The following CADM2 variants were observed in gnomAD, a reference collection of about 807,000 sequenced individuals.
CADM2 encodes immunoglobulin superfamily member 4D.
Under a neutral mutation model 49.8 loss-of-function variants are expected in CADM2, and 12 were observed. That is an observed-to-expected ratio of 0.24 (90% confidence interval 0.15 to 0.39). CADM2 has a LOEUF of 0.39. CADM2 is among the 10% of genes least tolerant of loss of function. The pLI, the probability that CADM2 is intolerant of heterozygous loss-of-function variation, is 1.00. For missense variants in CADM2, 378 were observed against 492.3 expected, an observed-to-expected ratio of 0.77 and a Z score of 2.20; for synonymous variants, 214 against 175.4, an observed-to-expected ratio of 1.22 and a Z score of -1.74.
At chr3:84,998,762 GCAGGTAGC>G (rs2033305703) in intron 1 of CADM2, among the ~76,000 whole-genome samples, 1 of 152,056 alleles carries the variant, frequency 6.6e-6, no homozygotes, top group Non-Finnish European at 1.5e-5. Context: ...GTGATCAGGG[GCAGGTAGC>G]CAGAGGCTCA....
chr3:84,972,767 G>A (rs1342418435), intron 1 of CADM2, among the ~76,000 whole-genome samples: 1 of 152,106 alleles, frequency 6.6e-6, no homozygotes, highest in East Asian at 1.9e-4. Context: ...CTATTTGAAG[G>A]CAGTGTTGTA....
At chr3:85,948,529 TTTAA>T (rs1723016047) in intron 7 of CADM2, among the ~76,000 whole-genome samples, 1 of 151,360 alleles carries the variant, frequency 6.6e-6, no homozygotes, top group Admixed American at 6.6e-5. Context: ...GTGCTATTAT[TTTAA>T]TTAATAATGA....
At chr3:85,994,698 C>A (rs1325959299) in intron 8 of CADM2, 3 of 152,124 alleles carry the variant, frequency 2.0e-5, no homozygotes, top group African/African-American at 7.2e-5. Flanking sequence ...ATGTCAATGT[C>A]TCAGGAACTA....
chr3:84,983,488 C>T (rs577988220), intron 1 of CADM2, among the ~76,000 whole-genome samples: 1 of 151,856 alleles, frequency 6.6e-6, no homozygotes, highest in Non-Finnish European at 1.5e-5. Context: ...ACCACAGATA[C>T]CTTTTAAGAG....
chr3:85,939,585 T>G (rs1211846620), intron 7 of CADM2, among the ~76,000 whole-genome samples: 5 of 151,774 alleles, frequency 3.3e-5, no homozygotes, highest in Admixed American at 1.3e-4. Context: ...TAATGAGTCA[T>G]CATTCATTTT....
intron 6 of CADM2, among the ~76,000 whole-genome samples, chr3:85,935,268 T>C (rs981037125): frequency 3.9e-5 from 6 of 152,150 alleles, no homozygotes; most frequent in African/African-American, 1.4e-4. Flanking sequence ...TGCCCAGTGC[T>C]GCATCATTGC....
intron 1 of CADM2, among the ~76,000 whole-genome samples, chr3:85,518,019 G>A (rs539345980): frequency 6.6e-6 from 1 of 151,768 alleles, no homozygotes; most frequent in African/African-American, 2.4e-5. Context: ...TTCTTTTTTT[G>A]TGTGTGTGAC....
chr3:85,802,302 C>T, intron 3 of CADM2, 106 bp downstream of exon 3: 1 of 943,760 alleles, frequency 1.1e-6, no homozygotes, highest in South Asian at 2.3e-5. Context: ...GATTACCAAA[C>T]TGCTGCTGCT....
intron 2 of CADM2, among the ~76,000 whole-genome samples, chr3:85,759,681 G>A (rs2069283096): frequency 6.6e-6 from 1 of 152,056 alleles, no homozygotes; most frequent in Admixed American, 6.5e-5. Context: ...GCTACATCTA[G>A]CTGCAAGAGA....
intron 1 of CADM2, among the ~76,000 whole-genome samples, chr3:85,331,535 T>C (rs1241056710): frequency 6.6e-6 from 1 of 151,476 alleles, no homozygotes; most frequent in Admixed American, 6.6e-5. Flanking sequence ...ATAGTCACTT[T>C]TAGATTGGCC....
chr3:86,040,025 G>C (rs1383270500), intron 8 of CADM2, among the ~76,000 whole-genome samples: 1 of 152,192 alleles, frequency 6.6e-6, no homozygotes, highest in African/African-American at 2.4e-5. Context: ...TGAGGGTCCT[G>C]ACTGTTAGAA....
chr3:85,054,983 G>C (rs527358191), intron 1 of CADM2, among the ~76,000 whole-genome samples: 3 of 151,960 alleles, frequency 2.0e-5, no homozygotes, highest in Non-Finnish European at 4.4e-5. Flanking sequence ...CTTATAAATA[G>C]AAGTTTAATA....
At chr3:85,505,478 A>C (rs2040308175) in intron 1 of CADM2, among the ~76,000 whole-genome samples, 1 of 152,150 alleles carries the variant, frequency 6.6e-6, no homozygotes, top group South Asian at 2.1e-4. Flanking sequence ...TCTGCTGTTC[A>C]TCAGAACCAC....
rs397962829 is a variant in CADM2, at chr3:85,365,199, C to CTTTTTT, written c.62-361313_62-361308dup. On this transcript the variant is annotated intron_variant, in intron 1 of 9. Transcript: ENST00000383699. ...TTGGGAGGGTTTTTTTTTTTTTTTA[C>CTTTTTT]TTTTTTTTTTTTTTTAGATAATTCC... Among the ~76,000 whole-genome samples, 31 of 104,666 alleles carry CTTTTTT rather than the reference C, an allele frequency of 3.0e-4. 1 individual carries two copies. Among genetic ancestry groups the CTTTTTT allele is most frequent in the East Asian group, 1.2e-3 (4 of 3,334 alleles). 68.7% of individuals were successfully genotyped at this position (104,666 alleles called of 152,430 possible).
intron 1 of CADM2, among the ~76,000 whole-genome samples, chr3:85,485,533 C>T (rs573219534): frequency 4.6e-5 from 7 of 152,060 alleles, no homozygotes; most frequent in Admixed American, 1.3e-4. Context: ...ATCCTGCATG[C>T]GCAGTCTGCC....
At chr3:85,952,569 T>C (rs1723567377) in intron 7 of CADM2, among the ~76,000 whole-genome samples, 1 of 151,018 alleles carries the variant, frequency 6.6e-6, no homozygotes, top group Admixed American at 6.6e-5. Flanking sequence ...TTTCAATCTC[T>C]TTTCTCTTTT....
At position 85,396,022 on chromosome 3, in the gene CADM2, A is replaced by G. The variant is rs1191799187; in HGVS notation, c.62-330500A>G. The stretch of plus-strand genomic sequence containing the variant: ...ATTATATTTTCAGTATTGATTCTGA[A>G]TATTATATTTAATTATCATAATGAT... On this transcript the variant is annotated intron_variant, in intron 1 of 9. Transcript: ENST00000383699. Among the ~76,000 whole-genome samples the G allele has an allele frequency of 4.0e-5, 6 of 149,686 alleles. No homozygotes were observed. In the East Asian group the frequency reaches 7.8e-4, roughly 19 times the overall value.
At chr3:85,179,822 A>C (rs1251685727) in intron 1 of CADM2, among the ~76,000 whole-genome samples, 1 of 152,098 alleles carries the variant, frequency 6.6e-6, no homozygotes, top group Admixed American at 6.6e-5. Flanking sequence ...TTTAATATTT[A>C]TGTTTACATT....
chr3:85,315,188 A>G (rs1017818982), intron 1 of CADM2, among the ~76,000 whole-genome samples: 25 of 152,152 alleles, frequency 1.6e-4, no homozygotes, highest in African/African-American at 5.5e-4. Context: ...CACAAGCACA[A>G]TGACAGAACA....
Sources: allele counts gnomAD v4.1 joint callset (sites outside exome capture counted in the v4.1 genomes callset), GRCh38; gene constraint gnomAD v4.1.1; transcripts MANE v1.5; gene names NCBI Gene and HGNC (gene_info 2026-07-23, HGNC 2026-07-21).